The following MDFIC variants were observed in gnomAD, a reference collection of about 807,000 sequenced individuals.
The protein encoded by MDFIC is myoD family inhibitor domain-containing protein.
MDFIC carries 17 observed loss-of-function variants against 23.2 expected under a neutral mutation model. That is an observed-to-expected ratio of 0.73 (90% confidence interval 0.50 to 1.10). The LOEUF is 1.10. Among genes scored for constraint, MDFIC ranks in the 50% least tolerant of loss-of-function variants. The pLI, the probability that MDFIC is intolerant of heterozygous loss-of-function variation, is 0.00. For synonymous variants in MDFIC, 120 were observed against 115.2 expected (o/e 1.04, Z -0.27); for missense variants, 356 against 316.6 (o/e 1.12, Z -0.95).
At chr7:114,962,174 C>T (rs556854425) in intron 3 of MDFIC, among the ~76,000 whole-genome samples, 3 of 152,082 alleles carry the variant, frequency 2.0e-5, no homozygotes, top group South Asian at 4.1e-4. Flanking sequence ...TTAAAGATAG[C>T]GAAGGTGATC....
intron 3 of MDFIC, among the ~76,000 whole-genome samples, chr7:114,973,904 A>G (rs1793256415): frequency 6.6e-6 from 1 of 152,194 alleles, no homozygotes; most frequent in Admixed American, 6.6e-5. Context: ...AATGTATTTC[A>G]GTATGTTAAA....
chr7:114,997,213 G>A (rs1791350815), intron 4 of MDFIC, among the ~76,000 whole-genome samples: 1 of 152,146 alleles, frequency 6.6e-6, no homozygotes, highest in South Asian at 2.1e-4. Context: ...TTTCCGAAAG[G>A]AGAATAAGTA....
chr7:114,940,961 A>T (rs1002349966), intron 2 of MDFIC, among the ~76,000 whole-genome samples: 1 of 151,850 alleles, frequency 6.6e-6, no homozygotes, highest in Non-Finnish European at 1.5e-5. Context: ...ATCAACTTCA[A>T]TATGGGCTTT....
intron 4 of MDFIC, among the ~76,000 whole-genome samples, chr7:114,983,914 T>A (rs1033463999): frequency 6.6e-6 from 1 of 152,132 alleles, no homozygotes; most frequent in Admixed American, 6.6e-5. Context: ...TGAACTCATT[T>A]AGTCCTCCCA....
intron 4 of MDFIC, among the ~76,000 whole-genome samples, chr7:115,009,011 T>G (rs1338136876): frequency 6.6e-6 from 1 of 152,222 alleles, no homozygotes; most frequent in Non-Finnish European, 1.5e-5. Context: ...AGAGTCAGGT[T>G]TGACCTCAAA....
chr7:114,968,926 T>C (rs558955329), intron 3 of MDFIC, among the ~76,000 whole-genome samples: 2 of 152,310 alleles, frequency 1.3e-5, no homozygotes, highest in South Asian at 4.1e-4. Context: ...TAATTCCATA[T>C]CTCATAACTG....
chr7:115,015,091 A>G (rs982579742), intron 4 of MDFIC, among the ~76,000 whole-genome samples: 8 of 152,226 alleles, frequency 5.3e-5, no homozygotes, highest in African/African-American at 1.9e-4. Flanking sequence ...CCAACCAGAG[A>G]GTCTCACTGT....
In MDFIC at chr7:114,923,058, G is replaced by T; in HGVS notation, c.25G>T (p.Ala9Ser). MSGAGEAL[A>S]PGPVGPQRVA... ...CATGTCCGGCGCGGGCGAAGCCCTCGCTCCCGGGCCCGTGGGGCCGCAGCG... is the reference window on the plus strand; with the variant it reads ...CATGTCCGGCGCGGGCGAAGCCCTCTCTCCCGGGCCCGTGGGGCCGCAGCG... Residue 9 changes from alanine to serine, a missense_variant, in exon 2 of 5, where the codon GCT (alanine) becomes TCT (serine). Physicochemically the swap from Ala to Ser is moderately conservative, Grantham distance 99 (BLOSUM62 1). Transcript: ENST00000393486. 1 of 1,361,514 alleles carries T rather than the reference G, an allele frequency of 7.3e-7. No individual in the cohort carries two copies. The highest frequency in any genetic ancestry group is 1.7e-5 in the South Asian group (1 of 57,360). The allele number at this position is 1,361,514 out of a possible 1,614,324, so 84.3% of individuals were successfully genotyped here.
At position 114,923,098 on chromosome 7, in the gene MDFIC, GC is replaced by G; in HGVS notation, c.66del (p.Gly23AlafsTer21). The G allele has an allele frequency of 1.4e-6, 2 of 1,450,078 alleles. No homozygotes were observed. Among genetic ancestry groups the G allele is most frequent in the Non-Finnish European group, 1.8e-6 (2 of 1,103,818 alleles). 89.8% of individuals were successfully genotyped at this position (1,450,078 alleles called of 1,614,324 possible). ...GGGCCGCAGCGCGTGGCCGAGGCGG[GC>G]GGCGGCCAGCTGGGCTCCACAGCCC... ...PVGPQRVAEA[G>X]GGQLGSTAQG... is the part of the protein sequence containing the mutation. On this transcript the variant is annotated frameshift_variant, in exon 2 of 5. Transcript: ENST00000393486. LOFTEE classifies it high-confidence loss of function.
At chr7:114,923,642 A>C in intron 2 of MDFIC, 1 of 1,429,038 alleles carries the variant, frequency 7.0e-7, no homozygotes, top group East Asian at 2.6e-5. Context: ...ATAAATAAAC[A>C]AGGTTTATAA....
intron 4 of MDFIC, among the ~76,000 whole-genome samples, chr7:115,015,382 A>T (rs1054120188): frequency 7.2e-5 from 11 of 152,194 alleles, no homozygotes; most frequent in African/African-American, 2.7e-4. Context: ...AGTAAGAAGG[A>T]TAGAGAAGTG....
At chr7:114,939,190 A>T (rs1421612025) in intron 2 of MDFIC, among the ~76,000 whole-genome samples, 2 of 152,230 alleles carry the variant, frequency 1.3e-5, no homozygotes, top group Non-Finnish European at 2.9e-5. Context: ...TTAGAAAGTC[A>T]CAGAACAGTC....
intron 3 of MDFIC, among the ~76,000 whole-genome samples, chr7:114,965,494 C>T (rs1382000238): frequency 6.6e-6 from 1 of 152,032 alleles, no homozygotes; most frequent in Non-Finnish European, 1.5e-5. Flanking sequence ...CCAAGATAAC[C>T]TAGATAAGAG....
intron 3 of MDFIC, among the ~76,000 whole-genome samples, chr7:114,967,689 T>G (rs908026919): frequency 1.3e-5 from 2 of 152,110 alleles, no homozygotes; most frequent in African/African-American, 2.4e-5. Flanking sequence ...AAAAAAAAAT[T>G]TATAATAATG....
At chr7:114,971,216 A>C (rs983753014) in intron 3 of MDFIC, among the ~76,000 whole-genome samples, 1 of 152,194 alleles carries the variant, frequency 6.6e-6, no homozygotes, top group Non-Finnish European at 1.5e-5. Context: ...CTTAGTATAC[A>C]CATTTCAAGA....
chr7:115,002,138 A>G (rs1741009946), intron 4 of MDFIC, among the ~76,000 whole-genome samples: 1 of 148,964 alleles, frequency 6.7e-6, no homozygotes, highest in African/African-American at 2.4e-5. Context: ...CTCTGTCTCA[A>G]AAAACAAAAA....
intron 4 of MDFIC, among the ~76,000 whole-genome samples, chr7:114,994,178 CT>C (rs1414487959): frequency 6.6e-6 from 1 of 151,962 alleles, no homozygotes; most frequent in Admixed American, 6.6e-5. Context: ...CAACCCCTGC[CT>C]TTTTTTGTTT....
In MDFIC at chr7:115,015,957, T is replaced by C. The variant is rs1459183993; in HGVS notation, c.*22T>C. Reference sequence around the variant, plus strand: ...ATAAATATTTATCTTTTGTTTGTGTTAAAACTGGAGAGTGTTTAAAAATTT... The same window carrying C: ...ATAAATATTTATCTTTTGTTTGTGTCAAAACTGGAGAGTGTTTAAAAATTT... On this transcript the variant is annotated 3_prime_UTR_variant, in exon 5 of 5. Coordinates refer to ENST00000393486, the MANE Select transcript of MDFIC (RefSeq NM_001166345.3). The C allele has an allele frequency of 6.2e-7, 1 of 1,603,174 alleles. No individual in the cohort carries two copies. Among genetic ancestry groups the C allele is most frequent in the Non-Finnish European group, 8.5e-7 (1 of 1,174,046 alleles).
At chr7:114,936,858 A>G (rs1792433767) in intron 2 of MDFIC, among the ~76,000 whole-genome samples, 1 of 152,110 alleles carries the variant, frequency 6.6e-6, no homozygotes, top group Non-Finnish European at 1.5e-5. Context: ...TTTGAAAACC[A>G]TTAATATTGT....
Sources: allele counts gnomAD v4.1 joint callset (sites outside exome capture counted in the v4.1 genomes callset), GRCh38; gene constraint gnomAD v4.1.1; transcripts MANE v1.5; gene names NCBI Gene and HGNC (gene_info 2026-07-23, HGNC 2026-07-21).